The following SLC9A9 variants were observed in gnomAD, a reference collection of about 807,000 sequenced individuals.
The protein encoded by SLC9A9 is solute carrier family 9 member A9.
SLC9A9 carries 62 observed loss-of-function variants against 77.8 expected under a neutral mutation model. That is an observed-to-expected ratio of 0.80 (90% CI 0.65 to 0.98). The LOEUF is 0.98. Among genes scored for constraint, SLC9A9 ranks in the 50% least tolerant of loss-of-function variants. The pLI is 0.00. For missense variants in SLC9A9, 775 were observed against 774.9 expected (o/e 1.00, Z 0.00); for synonymous variants, 320 against 283.5 (o/e 1.13, Z -1.29).
chr3:143,663,458 G>A (rs1230189310), intron 5 of SLC9A9, among the ~76,000 whole-genome samples: 1 of 152,230 alleles, frequency 6.6e-6, no homozygotes, highest in African/African-American at 2.4e-5. Context: ...GCTGGATGGA[G>A]AACGAATTCG....
chr3:143,349,359 G>A (rs940109693), intron 14 of SLC9A9, among the ~76,000 whole-genome samples: 1 of 152,164 alleles, frequency 6.6e-6, no homozygotes, highest in Non-Finnish European at 1.5e-5. Flanking sequence ...ACAGAACCAG[G>A]ACTAGCCTCA....
In SLC9A9 at chr3:143,288,278, A is replaced by C. The variant is rs114708680; in HGVS notation, c.1605-19298T>G. On this transcript the variant is annotated intron_variant, in intron 14 of 15. Coordinates refer to ENST00000316549, the MANE Select transcript of SLC9A9 (RefSeq NM_173653.4). ...CAGTTATTAAAAAAAAAAACAAAAC[A>C]AAACCAAAGAACATATCACATTATA... 4.9e-3 allele frequency among the ~76,000 whole-genome samples: 742 copies of C among 152,202 alleles called. 7 individuals are homozygous for C. The highest frequency in any genetic ancestry group is 0.017 in the African/African-American group (688 of 41,552).
intron 8 of SLC9A9, among the ~76,000 whole-genome samples, chr3:143,571,553 A>G (rs1367543726): frequency 6.6e-6 from 1 of 152,142 alleles, no homozygotes; most frequent in Admixed American, 6.5e-5. Flanking sequence ...AGGCCCTTAT[A>G]TATAGATGCA....
intron 12 of SLC9A9, among the ~76,000 whole-genome samples, chr3:143,420,543 G>T (rs2034278941): frequency 6.6e-6 from 1 of 152,166 alleles, no homozygotes; most frequent in Non-Finnish European, 1.5e-5. Flanking sequence ...CTGTACTGAA[G>T]AAGTGACATG....
chr3:143,601,154 T>A (rs139386247), intron 6 of SLC9A9, among the ~76,000 whole-genome samples: 3 of 152,348 alleles, frequency 2.0e-5, no homozygotes, highest in South Asian at 2.1e-4. Flanking sequence ...GAGATTCATG[T>A]TTATTCATTC....
At chr3:143,535,913 C>T (rs2036582702) in intron 9 of SLC9A9, among the ~76,000 whole-genome samples, 1 of 152,042 alleles carries the variant, frequency 6.6e-6, no homozygotes. Context: ...GTAGAGAATG[C>T]TAATTAGAAA....
chr3:143,266,533 T>A lies in SLC9A9; in HGVS notation c.*169A>T. 2.9e-6 allele frequency: 2 copies of A among 695,796 alleles called. No homozygotes were observed. The highest frequency in any genetic ancestry group is 4.7e-5 in the Admixed American group (2 of 42,192). The allele number at this position is 695,796 out of a possible 1,614,324, so 43.1% of individuals were successfully genotyped here. On this transcript the variant is annotated 3_prime_UTR_variant, in exon 16 of 16. Coordinates refer to ENST00000316549, the MANE Select transcript of SLC9A9 (RefSeq NM_173653.4). ...TGCATAATAGAGAGGGATAATAAAA[T>A]CTCATTTCTTCAGGCACCAGAGGAT... is the stretch of plus-strand genomic sequence containing the variant.
intron 4 of SLC9A9, among the ~76,000 whole-genome samples, chr3:143,734,385 GA>G (rs1037805698): frequency 3.3e-5 from 5 of 151,804 alleles, no homozygotes; most frequent in East Asian, 1.9e-4. Flanking sequence ...AAAATGTATA[GA>G]AAAAAAAGAA....
intron 4 of SLC9A9, among the ~76,000 whole-genome samples, chr3:143,775,913 G>A (rs1046758372): frequency 6.6e-6 from 1 of 152,042 alleles, no homozygotes. Flanking sequence ...ACACACCGTG[G>A]TGCCTTTAAG....
intron 4 of SLC9A9, among the ~76,000 whole-genome samples, chr3:143,706,863 T>C (rs765745390): frequency 2.6e-5 from 4 of 152,216 alleles, no homozygotes; most frequent in Non-Finnish European, 5.9e-5. Context: ...GTATTTTATG[T>C]ATGGCTCAAG....
intron 1 of SLC9A9, among the ~76,000 whole-genome samples, chr3:143,844,771 TTCTTTC>T (rs1158516045): frequency 7.3e-6 from 1 of 136,156 alleles, no homozygotes; most frequent in Non-Finnish European, 1.6e-5. Context: ...CTTTCTTTCT[TTCTTTC>T]TTTCTTTCTT....
intron 6 of SLC9A9, among the ~76,000 whole-genome samples, chr3:143,639,036 G>T (rs771127539): frequency 6.6e-6 from 1 of 152,182 alleles, no homozygotes; most frequent in African/African-American, 2.4e-5. Flanking sequence ...TGAAATAAAA[G>T]ACATTTTCTT....
chr3:143,727,556 T>C (rs567278292), intron 4 of SLC9A9, among the ~76,000 whole-genome samples: 2 of 152,238 alleles, frequency 1.3e-5, no homozygotes, highest in African/African-American at 4.8e-5. Flanking sequence ...TTACTATGAT[T>C]AGATTACTCT....
intron 14 of SLC9A9, among the ~76,000 whole-genome samples, chr3:143,329,153 T>A (rs372182511): frequency 1.3e-5 from 2 of 152,334 alleles, no homozygotes; most frequent in African/African-American, 4.8e-5. Context: ...TCCATAATGC[T>A]CACAATAAAT....
chr3:143,647,715 G>A (rs144540349), intron 6 of SLC9A9, among the ~76,000 whole-genome samples: 2 of 152,294 alleles, frequency 1.3e-5, no homozygotes, highest in Non-Finnish European at 2.9e-5. Context: ...TATGCCAGAT[G>A]CAGAATTTTA....
At chr3:143,815,572 T>A (rs1288499254) in intron 2 of SLC9A9, among the ~76,000 whole-genome samples, 1 of 151,892 alleles carries the variant, frequency 6.6e-6, no homozygotes, top group Non-Finnish European at 1.5e-5. Flanking sequence ...TTTAAAACCC[T>A]GACCTAATAT....
At chr3:143,277,780 T>C (rs989703185) in intron 14 of SLC9A9, among the ~76,000 whole-genome samples, 10 of 152,204 alleles carry the variant, frequency 6.6e-5, no homozygotes, top group African/African-American at 2.4e-4. Context: ...TGTGGTGACT[T>C]TGACAACAGG....
intron 2 of SLC9A9, among the ~76,000 whole-genome samples, chr3:143,800,412 T>TACTA (rs1402784832): frequency 1.3e-5 from 2 of 152,200 alleles, no homozygotes; most frequent in African/African-American, 4.8e-5. Context: ...GTCTTACAAG[T>TACTA]TAGTTCAGGA....
At chr3:143,467,727 A>AAGAGAGAGAGAGAGAGAG (rs111531862) in intron 11 of SLC9A9, among the ~76,000 whole-genome samples, 2,677 of 144,610 alleles carry the variant, frequency 0.019, 52 homozygotes, top group Non-Finnish European at 0.027. Flanking sequence ...CCTGGCTCTA[A>AAGAGAGAGAGAGAGAGAG]AGAGAGAGAG....
Sources: allele counts gnomAD v4.1 joint callset (sites outside exome capture counted in the v4.1 genomes callset), GRCh38; gene constraint gnomAD v4.1.1; transcripts MANE v1.5; gene names NCBI Gene and HGNC (gene_info 2026-07-23, HGNC 2026-07-21).